Variants in LPP observed in about 807,000 individuals in gnomAD.
LPP encodes lipoma-preferred partner.
LPP carries 38 observed loss-of-function variants against 60.4 expected under a neutral mutation model. That is an observed-to-expected ratio of 0.63 (90% CI 0.49 to 0.83). The LOEUF (loss-of-function observed/expected upper bound fraction) is 0.83. Among genes scored for constraint, LPP ranks in the 40% least tolerant of loss-of-function variants. LPP has a pLI of 0.00. For synonymous variants in LPP, 328 were observed against 290.8 expected, an observed-to-expected ratio of 1.13 and a Z score of -1.30; for missense variants, 902 against 783.6, an observed-to-expected ratio of 1.15 and a Z score of -1.80.
chr3:188,479,080 C>T (rs994123136), intron 4 of LPP, among the ~76,000 whole-genome samples: 23 of 151,990 alleles, frequency 1.5e-4, no homozygotes, highest in South Asian at 2.1e-4. Flanking sequence ...AATGAATAAC[C>T]GTCTTTACTT....
At chr3:188,818,557 GT>G (rs1372439417) in intron 9 of LPP, among the ~76,000 whole-genome samples, 2 of 152,140 alleles carry the variant, frequency 1.3e-5, no homozygotes, top group Admixed American at 6.5e-5. Flanking sequence ...ATATAAAGTA[GT>G]TTGAGAATCA....
chr3:188,595,570 G>A (rs1282624361), intron 6 of LPP, among the ~76,000 whole-genome samples: 1 of 152,162 alleles, frequency 6.6e-6, no homozygotes, highest in Non-Finnish European at 1.5e-5. Context: ...AGCTAATAGT[G>A]TGTAGAAAAG....
intron 8 of LPP, among the ~76,000 whole-genome samples, chr3:188,753,573 T>TTGTGCGTGTGTG (rs1553829816): frequency 8.5e-6 from 1 of 118,254 alleles, no homozygotes; most frequent in Non-Finnish European, 1.8e-5. Context: ...TTTTGGCTTG[T>TTGTGCGTGTGTG]TGTGTGCGTG....
intron 6 of LPP, among the ~76,000 whole-genome samples, chr3:188,551,947 G>A (rs910047899): frequency 2.0e-5 from 3 of 152,104 alleles, no homozygotes; most frequent in African/African-American, 7.2e-5. Flanking sequence ...CCATCTTGGA[G>A]GCCCTTGTAA....
At chr3:188,198,225 G>T (rs1054062167) in intron 1 of LPP, among the ~76,000 whole-genome samples, 2 of 152,172 alleles carry the variant, frequency 1.3e-5, no homozygotes. Context: ...TAGATAAGTT[G>T]CCCCAGGCCA....
chr3:188,565,864 A>AT (rs1192984552), intron 6 of LPP, among the ~76,000 whole-genome samples: 2 of 151,882 alleles, frequency 1.3e-5, no homozygotes, highest in African/African-American at 4.8e-5. Flanking sequence ...TAGCTCACAG[A>AT]TTTTCACTTT....
At chr3:188,341,538 G>A (rs910349212) in intron 2 of LPP, 125 bp from the exon 3 acceptor site, 2 of 201,128 alleles carry the variant, frequency 9.9e-6, no homozygotes, top group African/African-American at 2.4e-5. Context: ...GGGGTGCAAT[G>A]AATGTGAAAA....
intron 3 of LPP, among the ~76,000 whole-genome samples, chr3:188,378,700 G>C (rs997574675): frequency 2.0e-5 from 3 of 152,044 alleles, no homozygotes; most frequent in Non-Finnish European, 4.4e-5. Context: ...GCTCGTGCAC[G>C]GTGCACTGCA....
chr3:188,760,200 C>T lies in LPP; in HGVS notation c.1328C>T (p.Thr443Ile), dbSNP rs754228533. Residue 443 changes from threonine to isoleucine, a missense_variant, in exon 9 of 12, where the codon ACC becomes ATC. Coordinates refer to ENST00000617246, the MANE Select transcript of LPP (RefSeq NM_001375462.1). ...CAGGTCTTCCACGTGGATTGTTTTA[C>T]CTGCATCATCTGCAACAACAAGCTC... Reference protein sequence around the residue: ...MDQVFHVDCFTCIICNNKLRG... With the variant: ...MDQVFHVDCFICIICNNKLRG... 6.2e-7 allele frequency: 1 copy of T among 1,614,030 alleles called. No individual in the cohort carries two copies. Among genetic ancestry groups the T allele is most frequent in the Non-Finnish European group, 8.5e-7 (1 of 1,179,984 alleles).
intron 8 of LPP, among the ~76,000 whole-genome samples, chr3:188,724,329 A>G (rs1488731585): frequency 6.6e-6 from 1 of 152,200 alleles, no homozygotes; most frequent in Non-Finnish European, 1.5e-5. Flanking sequence ...AAGCCTGGAA[A>G]AAGATTAGAC....
intron 6 of LPP, among the ~76,000 whole-genome samples, chr3:188,577,790 C>G: frequency 8.5e-6 from 1 of 117,820 alleles, no homozygotes; most frequent in South Asian, 3.0e-4. Context: ...CTGTCCTTCC[C>G]TTCCCTCCCT....
chr3:188,621,616 G>A (rs577826145), intron 7 of LPP, among the ~76,000 whole-genome samples: 9 of 152,084 alleles, frequency 5.9e-5, no homozygotes, highest in South Asian at 4.1e-4. Flanking sequence ...ATCCTAGTGC[G>A]TGTAACCGAT....
intron 4 of LPP, among the ~76,000 whole-genome samples, chr3:188,478,495 T>A (rs1051260616): frequency 6.6e-6 from 1 of 152,118 alleles, no homozygotes; most frequent in African/African-American, 2.4e-5. Context: ...AATATATTTT[T>A]TTAATCTAGG....
intron 1 of LPP, among the ~76,000 whole-genome samples, chr3:188,224,516 A>C (rs1716994211): frequency 6.6e-6 from 1 of 152,198 alleles, no homozygotes. Context: ...GTATTAGGCT[A>C]TTCTAGCATT....
At chr3:188,393,708 T>G (rs1780241953) in intron 3 of LPP, among the ~76,000 whole-genome samples, 1 of 152,220 alleles carries the variant, frequency 6.6e-6, no homozygotes, top group Admixed American at 6.5e-5. Context: ...GCTTAAGTCT[T>G]AGTATTTTCA....
chr3:188,623,194 A>G (rs1292655511), intron 7 of LPP, among the ~76,000 whole-genome samples: 1 of 151,016 alleles, frequency 6.6e-6, no homozygotes, highest in East Asian at 1.9e-4. Context: ...ATTAGTTATT[A>G]TTTCCTGTAT....
At chr3:188,661,130 T>A (rs186615023) in intron 7 of LPP, among the ~76,000 whole-genome samples, 1 of 152,192 alleles carries the variant, frequency 6.6e-6, no homozygotes, top group Non-Finnish European at 1.5e-5. Context: ...CTGAATAATA[T>A]ACATTCAAGG....
chr3:188,362,757 G>A (rs770632350), intron 3 of LPP, among the ~76,000 whole-genome samples: 29 of 152,158 alleles, frequency 1.9e-4, no homozygotes, highest in Non-Finnish European at 3.5e-4. Flanking sequence ...AAAATAAATC[G>A]CTAAAATCTG....
chr3:188,167,541 A>AACAAAACAAAACAAT, intron 1 of LPP, among the ~76,000 whole-genome samples: 1 of 150,324 alleles, frequency 6.7e-6, no homozygotes, highest in South Asian at 2.1e-4. Context: ...AACAAAACAA[A>AACAAAACAAAACAAT]GGCCTGCCAT....
Sources: gnomAD v4.1 joint callset for allele counts (sites outside exome capture counted in the v4.1 genomes callset) on GRCh38, gnomAD v4.1.1 for gene constraint, MANE v1.5 for transcripts, NCBI Gene and HGNC (gene_info 2026-07-23, HGNC 2026-07-21) for gene names.